EPHB2: variants seen among roughly 807,000 people sequenced by gnomAD.
EPHB2 encodes the protein ephrin type-B receptor 2.
Under a neutral mutation model 96.4 loss-of-function variants are expected in EPHB2, and 18 were observed. That is an observed-to-expected ratio of 0.19 (90% CI 0.13 to 0.28). EPHB2 has a LOEUF of 0.28. EPHB2 is among the 10% of genes least tolerant of loss of function. The pLI, the probability that EPHB2 is intolerant of heterozygous loss-of-function variation, is 1.00. For missense variants in EPHB2, 989 were observed against 1,355.4 expected (o/e 0.73, Z 4.25); for synonymous variants, 506 against 534.1 (o/e 0.95, Z 0.72).
At chr1:22,892,722 G>A in intron 6 of EPHB2, 162 bp from the exon 7 acceptor site, 2 of 922,060 alleles carry the variant, frequency 2.2e-6, no homozygotes, top group Admixed American at 1.7e-5. Context: ...AAAGTAACAT[G>A]GCAAAAGGCA....
rs531099746 is a variant in EPHB2, at chr1:22,744,781, A to G, written c.61+33738A>G. ...AGAGACAGGAGGATCGCTTGAGGCC[A>G]GTTCAAGGCTGCAGTGAGCTATGAT... is the stretch of plus-strand genomic sequence containing the variant. On this transcript the variant is annotated intron_variant, in intron 1 of 15. Transcript: ENST00000374630. Among the ~76,000 whole-genome samples the G allele has an allele frequency of 3.3e-5, 5 of 151,670 alleles. No homozygotes were observed. In the South Asian group the frequency reaches 6.3e-4, roughly 19 times the overall value.
intron 3 of EPHB2, among the ~76,000 whole-genome samples, chr1:22,816,670 C>T (rs937438923): frequency 6.6e-6 from 1 of 152,234 alleles, no homozygotes; most frequent in Non-Finnish European, 1.5e-5. Context: ...TCCAGGTCTG[C>T]GTTGCCTCCT....
chr1:22,913,725 C>T lies in EPHB2; in HGVS notation c.*155C>T, dbSNP rs1461820125. 6.2e-7 allele frequency: 1 copy of T among 1,602,596 alleles called. No homozygotes were observed. The highest frequency in any genetic ancestry group is 1.7e-5 in the Admixed American group (1 of 57,550). ...AAGCGGTGCCAGCCACGAGACGTCA[C>T]CAAGAAAACATGCAACTCAAACGAC... On this transcript the variant is annotated 3_prime_UTR_variant, in exon 16 of 16. Transcript: ENST00000374630. The surrounding 1 kb of genome is among the most constrained non-coding windows in gnomAD (Gnocchi z 4.1).
chr1:22,821,174 A>G (rs1409639108), intron 3 of EPHB2, among the ~76,000 whole-genome samples: 1 of 152,188 alleles, frequency 6.6e-6, no homozygotes, highest in East Asian at 1.9e-4. Context: ...ATAGACACGC[A>G]TGCTTCTTTT....
intron 1 of EPHB2, among the ~76,000 whole-genome samples, chr1:22,762,607 G>T (rs1644250842): frequency 6.6e-6 from 1 of 152,138 alleles, no homozygotes; most frequent in Non-Finnish European, 1.5e-5. Context: ...ACCTGGGGAA[G>T]CCCCTTCCCC....
intron 9 of EPHB2, among the ~76,000 whole-genome samples, chr1:22,904,307 A>G (rs1012983051): frequency 1.0e-5 from 1 of 98,062 alleles, no homozygotes; most frequent in African/African-American, 5.4e-5. Flanking sequence ...AAAAAAAAAA[A>G]TTAATTAAAA....
chr1:22,843,479 G>T (rs989358643), intron 3 of EPHB2, among the ~76,000 whole-genome samples: 1 of 152,028 alleles, frequency 6.6e-6, no homozygotes, highest in African/African-American at 2.4e-5. Context: ...GTAGTTTTTC[G>T]ATCCTCTCTC....
At chr1:22,881,387 G>A (rs1031615231) in intron 5 of EPHB2, among the ~76,000 whole-genome samples, 1 of 147,442 alleles carries the variant, frequency 6.8e-6, no homozygotes, top group African/African-American at 2.5e-5. Context: ...GGCAGAGCGA[G>A]ACTCCATCTC....
chr1:22,765,119 G>A (rs1644289491), intron 1 of EPHB2, among the ~76,000 whole-genome samples: 1 of 152,108 alleles, frequency 6.6e-6, no homozygotes. Context: ...CGGACATTCT[G>A]GGAACCAATT....
At chr1:22,810,915 T>C (rs957012700) in intron 3 of EPHB2, among the ~76,000 whole-genome samples, 7 of 152,104 alleles carry the variant, frequency 4.6e-5, no homozygotes, top group African/African-American at 1.4e-4. Context: ...CCCTCCTCAG[T>C]GCCACCCAGC....
chr1:22,912,251 C>T (rs1032381430), intron 14 of EPHB2, among the ~76,000 whole-genome samples, 193 bp from the exon 15 acceptor site: 8 of 152,200 alleles, frequency 5.3e-5, no homozygotes, highest in African/African-American at 1.2e-4. Context: ...CATATATATG[C>T]GTGCATGTTT....
intron 3 of EPHB2, among the ~76,000 whole-genome samples, chr1:22,841,438 C>T (rs2148498072): frequency 6.6e-6 from 1 of 152,216 alleles, no homozygotes; most frequent in East Asian, 1.9e-4. Flanking sequence ...GGAGGCCATG[C>T]TCAACTCCAA....
At chr1:22,864,180 G>A (rs1434083803) in intron 4 of EPHB2, among the ~76,000 whole-genome samples, 1 of 152,042 alleles carries the variant, frequency 6.6e-6, no homozygotes, top group Non-Finnish European at 1.5e-5. Flanking sequence ...CGAGTAACTG[G>A]GATTACAGGC....
In EPHB2 at chr1:22,765,145, A is replaced by T. The variant is rs577349236; in HGVS notation, c.62-16276A>T. On this transcript the variant is annotated intron_variant, in intron 1 of 15. Coordinates refer to ENST00000374630, the MANE Select transcript of EPHB2 (RefSeq NM_017449.5). ...GGAACCAATTCTGGCCACACCACTG[A>T]GTGTTTGACAGGGAGCCTTGGCCCA... Among the ~76,000 whole-genome samples, 3 of 152,122 alleles carry T rather than the reference A, an allele frequency of 2.0e-5. No individual in the cohort carries two copies. The South Asian group carries it at 6.2e-4, about 32-fold the overall frequency.
intron 3 of EPHB2, among the ~76,000 whole-genome samples, chr1:22,856,833 G>A (rs1421843111): frequency 6.6e-6 from 1 of 152,306 alleles, no homozygotes; most frequent in Middle Eastern, 3.4e-3. Flanking sequence ...ATTCCATGCT[G>A]GATGAGTAAT....
intron 3 of EPHB2, among the ~76,000 whole-genome samples, chr1:22,808,327 G>A (rs1238176090): frequency 6.6e-6 from 1 of 152,174 alleles, no homozygotes; most frequent in African/African-American, 2.4e-5. Context: ...TTGAATCCCA[G>A]GACCTCAGCC....
intron 5 of EPHB2, among the ~76,000 whole-genome samples, chr1:22,881,613 C>A (rs1051925035): frequency 8.2e-5 from 12 of 147,092 alleles, no homozygotes; most frequent in African/African-American, 3.3e-4. Flanking sequence ...CCACTCTTTG[C>A]GACAGAGTTT....
At chr1:22,779,668 C>T (rs1271227579) in intron 1 of EPHB2, among the ~76,000 whole-genome samples, 11 of 152,234 alleles carry the variant, frequency 7.2e-5, no homozygotes. Flanking sequence ...GGCAAGACAC[C>T]TGCACTTCCC....
intron 6 of EPHB2, among the ~76,000 whole-genome samples, chr1:22,886,361 G>A (rs1639225057): frequency 6.6e-6 from 1 of 152,152 alleles, no homozygotes; most frequent in African/African-American, 2.4e-5. Context: ...GAGGGAGGCT[G>A]GGCTAATTGT....
Sources: gnomAD v4.1 joint callset for allele counts (sites outside exome capture counted in the v4.1 genomes callset) on GRCh38, gnomAD v4.1.1 for gene constraint, Gnocchi (gnomAD v3.1) non-coding constraint, MANE v1.5 for transcripts, NCBI Gene and HGNC (gene_info 2026-07-23, HGNC 2026-07-21) for gene names.